The following GRM7 variants were observed in gnomAD, a reference collection of about 807,000 sequenced individuals.
GRM7 encodes the protein glutamate metabotropic receptor 7.
A neutral mutation model predicts 84.5 loss-of-function variants in GRM7; 35 were observed. That is an observed-to-expected ratio of 0.41 (90% CI 0.32 to 0.55). GRM7 has a LOEUF of 0.55. GRM7 is among the 20% of genes least tolerant of loss of function. The pLI is 0.19. For missense variants in GRM7, 1,003 were observed against 1,194.6 expected (o/e 0.84, Z 2.36); for synonymous variants, 487 against 455.1 (o/e 1.07, Z -0.89).
intron 1 of GRM7, among the ~76,000 whole-genome samples, chr3:6,980,793 C>T (rs1377516600): frequency 6.6e-6 from 1 of 152,122 alleles, no homozygotes; most frequent in Non-Finnish European, 1.5e-5. Context: ...AAGAAAAGAA[C>T]TTGCTTATTA....
chr3:7,031,250 T>C (rs541915915), intron 1 of GRM7, among the ~76,000 whole-genome samples: 78 of 152,072 alleles, frequency 5.1e-4, no homozygotes, highest in Non-Finnish European at 5.4e-4. Context: ...AAATACTAAG[T>C]CTCTTCACAC....
At chr3:7,138,620 C>T (rs895190932) in intron 1 of GRM7, among the ~76,000 whole-genome samples, 2 of 151,622 alleles carry the variant, frequency 1.3e-5, no homozygotes, top group South Asian at 2.1e-4. Flanking sequence ...GGGAAAAAAA[C>T]AGACACATTT....
chr3:7,360,794 G>A (rs545062963), intron 4 of GRM7, among the ~76,000 whole-genome samples: 36 of 152,234 alleles, frequency 2.4e-4, no homozygotes, highest in Admixed American at 7.9e-4. Flanking sequence ...ATGTTCAAGC[G>A]TAGCATACTG....
chr3:7,037,603 C>T (rs1421597916), intron 1 of GRM7, among the ~76,000 whole-genome samples: 3 of 152,114 alleles, frequency 2.0e-5, no homozygotes, highest in African/African-American at 4.8e-5. Context: ...TTTTTCCACA[C>T]CTCTTGAGGA....
intron 1 of GRM7, among the ~76,000 whole-genome samples, chr3:7,080,241 T>A (rs1035471898): frequency 6.6e-6 from 1 of 152,108 alleles, no homozygotes; most frequent in Non-Finnish European, 1.5e-5. Flanking sequence ...AGTCTCAATC[T>A]TATTACTAAG....
At chr3:7,527,702 T>C (rs185979325) in intron 7 of GRM7, among the ~76,000 whole-genome samples, 6 of 152,164 alleles carry the variant, frequency 3.9e-5, no homozygotes, top group Admixed American at 2.6e-4. Flanking sequence ...GGAGTGTTCC[T>C]TTGATGCCTA....
chr3:7,471,958 A>AG (rs1482896190), intron 7 of GRM7, among the ~76,000 whole-genome samples: 1 of 152,164 alleles, frequency 6.6e-6, no homozygotes, highest in African/African-American at 2.4e-5. Context: ...TGGTGTTGGG[A>AG]GGGGGACCTA....
chr3:7,222,130 A>G (rs926655318), intron 2 of GRM7, among the ~76,000 whole-genome samples: 1 of 104,460 alleles, frequency 9.6e-6, no homozygotes, highest in Non-Finnish European at 2.1e-5. Context: ...TTAAGTCTTA[A>G]AAAAAACCAG....
At chr3:7,455,606 A>T (rs1441890310) in intron 6 of GRM7, among the ~76,000 whole-genome samples, 1 of 152,204 alleles carries the variant, frequency 6.6e-6, no homozygotes, top group African/African-American at 2.4e-5. Context: ...AATCCAAATT[A>T]AAAGATGTTC....
chr3:7,054,347 TATATG>T (rs1375212312), intron 1 of GRM7, among the ~76,000 whole-genome samples: 3 of 149,570 alleles, frequency 2.0e-5, no homozygotes, highest in Non-Finnish European at 3.0e-5. Flanking sequence ...TATGATGATA[TATATG>T]ATATATGTAT....
intron 2 of GRM7, among the ~76,000 whole-genome samples, chr3:7,297,954 T>G (rs1275726656): frequency 2.0e-5 from 3 of 152,194 alleles, no homozygotes; most frequent in African/African-American, 7.2e-5. Flanking sequence ...CATCTTGAAA[T>G]TCATAATGCC....
rs1702614493 is a variant in GRM7, at chr3:7,739,411, T to C, written c.2699-946T>C. Among the ~76,000 whole-genome samples the C allele has an allele frequency of 2.0e-5, 3 of 152,316 alleles. No homozygotes were observed. In the Middle Eastern group the frequency reaches 0.01, roughly 518 times the overall value. On this transcript the variant is annotated intron_variant, in intron 9 of 9. Transcript: ENST00000357716. ...ACTTCTATTTAGAATCTAAAAACAG[T>C]AAGCAAAATAAGCCATCAGTAAATG...
At chr3:6,967,539 T>C (rs1480820585) in intron 1 of GRM7, among the ~76,000 whole-genome samples, 1 of 152,218 alleles carries the variant, frequency 6.6e-6, no homozygotes, top group Non-Finnish European at 1.5e-5. Context: ...TTTCACACAA[T>C]ATCTTCTTAC....
Position 7,299,680 on chromosome 3 carries a change from C to T in GRM7, c.878+855C>T, listed in dbSNP as rs560779922. ...CAAATGGTAGCATGTTGTGTGCATT[C>T]CTGTTCAGCATTTTATTTATCATTT... On this transcript the variant is annotated intron_variant, in intron 3 of 9. Coordinates refer to ENST00000357716, the MANE Select transcript of GRM7 (RefSeq NM_000844.4). Among the ~76,000 whole-genome samples, 19 of 152,168 alleles carry T rather than the reference C, an allele frequency of 1.2e-4. No individual in the cohort carries two copies. The South Asian group carries it at 3.5e-3, about 28-fold the overall frequency.
At chr3:7,013,176 A>G (rs1278859823) in intron 1 of GRM7, among the ~76,000 whole-genome samples, 1 of 152,066 alleles carries the variant, frequency 6.6e-6, no homozygotes, top group African/African-American at 2.4e-5. Context: ...AGAAACTTAA[A>G]TAAATGTCCT....
chr3:7,416,592 G>A (rs1017725918), intron 5 of GRM7, among the ~76,000 whole-genome samples: 1 of 151,914 alleles, frequency 6.6e-6, no homozygotes, highest in African/African-American at 2.4e-5. Context: ...CTGTGAAAAA[G>A]GAGAAATGTA....
chr3:7,691,209 G>C (rs1700788785), intron 9 of GRM7: 2 of 1,197,874 alleles, frequency 1.7e-6, no homozygotes, highest in African/African-American at 3.1e-5. Flanking sequence ...CTTTTTCATA[G>C]TAACCTCTGA....
Position 7,455,905 on chromosome 3 carries a change from C to T in GRM7, c.1375+3098C>T, listed in dbSNP as rs188178475. On this transcript the variant is annotated intron_variant, in intron 6 of 9. Transcript: ENST00000357716. Reference sequence around the variant, plus strand: ...TCTCTTAATAACAACTCATTTAAAACGCACAACATTGTATCAATCTTCAGG... The same window carrying T: ...TCTCTTAATAACAACTCATTTAAAATGCACAACATTGTATCAATCTTCAGG... Among the ~76,000 whole-genome samples the T allele has an allele frequency of 3.4e-4, 52 of 151,928 alleles. 1 individual carries two copies. Among genetic ancestry groups the T allele is most frequent in the Middle Eastern group, 3.4e-3 (1 of 290 alleles).
chr3:7,632,031 C>T (rs950608825), intron 8 of GRM7, among the ~76,000 whole-genome samples: 3 of 152,054 alleles, frequency 2.0e-5, no homozygotes, highest in Non-Finnish European at 4.4e-5. Flanking sequence ...TGAATATAGG[C>T]GTGTTCCAGA....
Sources: allele counts gnomAD v4.1 joint callset (sites outside exome capture counted in the v4.1 genomes callset), GRCh38; gene constraint gnomAD v4.1.1; transcripts MANE v1.5; gene names NCBI Gene and HGNC (gene_info 2026-07-23, HGNC 2026-07-21).